Variants in TTLL1 observed in about 807,000 individuals in gnomAD.
The protein encoded by TTLL1 is TTL family tubulin polyglutamylase complex subunit L1.
A neutral mutation model predicts 47.8 loss-of-function variants in TTLL1; 33 were observed. The ratio of observed to expected loss-of-function variants is 0.69; its 90% CI spans 0.52 to 0.92. TTLL1 has a LOEUF of 0.92. Among genes scored for constraint, TTLL1 ranks in the 40% least tolerant of loss-of-function variants. TTLL1 has a pLI of 0.00. For missense variants in TTLL1, 488 were observed against 547.5 expected (o/e 0.89, Z 1.08); for synonymous variants, 225 against 214.1 (o/e 1.05, Z -0.45).
chr22:43,087,694 C>T (rs375985830), intron 1 of TTLL1, among the ~76,000 whole-genome samples: 42 of 147,774 alleles, frequency 2.8e-4, no homozygotes, highest in Middle Eastern at 3.9e-3. Context: ...AAATATCAGC[C>T]GGGCGTGGTG....
At chr22:43,051,525 T>C (rs1293809480) in intron 9 of TTLL1, among the ~76,000 whole-genome samples, 1 of 151,412 alleles carries the variant, frequency 6.6e-6, no homozygotes, top group East Asian at 1.9e-4. Flanking sequence ...TGAGGGAGGA[T>C]GAACTAGCCC....
intron 9 of TTLL1, among the ~76,000 whole-genome samples, chr22:43,050,513 G>GTTTTT (rs71186562): frequency 1.4e-5 from 2 of 143,956 alleles, no homozygotes; most frequent in Non-Finnish European, 1.5e-5. Flanking sequence ...GTTTTTTTTT[G>GTTTTT]TTTTTTTTTT....
Position 43,051,868 on chromosome 22 carries a change from T to C in TTLL1, c.911A>G (p.Lys304Arg). 1.2e-6 allele frequency: 2 copies of C among 1,613,998 alleles called. No homozygotes were observed. The highest frequency in any genetic ancestry group is 1.7e-6 in the Non-Finnish European group (2 of 1,179,990). ...KAVAPVMNND[K>R]HCFECYGYDI... ...GTAGCCATAGCATTCAAAGCAGTGC[T>C]TGTCATTGTTCATCACCGGCTGGAG... Residue 304 changes from lysine to arginine, a missense_variant, in exon 9 of 11, where the codon AAG becomes AGG. Coordinates refer to ENST00000266254, the MANE Select transcript of TTLL1 (RefSeq NM_012263.5).
chr22:43,079,433 C>G (rs531899835), intron 2 of TTLL1, among the ~76,000 whole-genome samples: 1 of 152,264 alleles, frequency 6.6e-6, no homozygotes, highest in South Asian at 2.1e-4. Flanking sequence ...CCCTCACACC[C>G]GCAGACACGG....
chr22:43,071,356 C>T (rs903068239), intron 3 of TTLL1, among the ~76,000 whole-genome samples: 5 of 152,050 alleles, frequency 3.3e-5, no homozygotes, highest in Non-Finnish European at 5.9e-5. Flanking sequence ...AAGAGCTGGC[C>T]GGGCGCAGTG....
chr22:43,064,117 A>C, intron 6 of TTLL1, 73 bp downstream of exon 6: 1 of 1,575,368 alleles, frequency 6.3e-7, no homozygotes, highest in Non-Finnish European at 8.6e-7. Context: ...GAAACCTCAC[A>C]ATGGTGCTAA....
Position 43,039,820 on chromosome 22 carries a change from G to T in TTLL1, c.1228C>A (p.Arg410=), listed in dbSNP as rs202040084. 1.9e-6 allele frequency: 3 copies of T among 1,613,958 alleles called. No homozygotes were observed. Among genetic ancestry groups the T allele is most frequent in the Non-Finnish European group, 2.5e-6 (3 of 1,179,944 alleles). Residue 410 remains arginine, a synonymous_variant, in exon 11 of 11, where the codon CGA becomes AGA. Transcript: ENST00000266254. ...QGQSLGPRAG[R]SRDSGRAVLT... ...ACCGCTCTCCCCGAGTCTCTCGATCGGCCTGCTCTGGGCCCCAGAGACTGA... is the reference window on the plus strand; with the variant it reads ...ACCGCTCTCCCCGAGTCTCTCGATCTGCCTGCTCTGGGCCCCAGAGACTGA...
chr22:43,088,943 C>A (rs923515481), intron 1 of TTLL1, among the ~76,000 whole-genome samples: 1 of 152,124 alleles, frequency 6.6e-6, no homozygotes, highest in African/African-American at 2.4e-5. Flanking sequence ...TTGCGCCCTG[C>A]AAAAGATGCC....
chr22:43,087,654 AT>A (rs1246473994), intron 1 of TTLL1, among the ~76,000 whole-genome samples: 1 of 151,484 alleles, frequency 6.6e-6, no homozygotes, highest in East Asian at 1.9e-4. Context: ...CCTGGCCAAC[AT>A]GGTGAAACCC....
chr22:43,072,468 C>A (rs2146984186), intron 3 of TTLL1, among the ~76,000 whole-genome samples: 1 of 151,198 alleles, frequency 6.6e-6, no homozygotes, highest in African/African-American at 2.4e-5. Flanking sequence ...TCTTTATTTT[C>A]TCTCTTTCTT....
At chr22:43,045,073 G>A (rs1926004897) in intron 10 of TTLL1, among the ~76,000 whole-genome samples, 1 of 152,160 alleles carries the variant, frequency 6.6e-6, no homozygotes, top group African/African-American at 2.4e-5. Context: ...ATGTTGGTCA[G>A]GCTGGTCTTG....
chr22:43,060,543 C>G (rs768438452), intron 7 of TTLL1, among the ~76,000 whole-genome samples: 1 of 152,246 alleles, frequency 6.6e-6, no homozygotes, highest in Non-Finnish European at 1.5e-5. Flanking sequence ...TCATCACTCT[C>G]TAACAACCTT....
At position 43,044,790 on chromosome 22, in the gene TTLL1, C is replaced by T. The variant is rs931703789; in HGVS notation, c.1142+1620G>A. On this transcript the variant is annotated intron_variant, in intron 10 of 10. Coordinates refer to ENST00000266254, the MANE Select transcript of TTLL1 (RefSeq NM_012263.5). ...TGAGGCCAATGTTTTACAAGGATTACGTTATACACCCTTTTCTGCAGTGAG... is the reference window on the plus strand; with the variant it reads ...TGAGGCCAATGTTTTACAAGGATTATGTTATACACCCTTTTCTGCAGTGAG... 3.9e-5 allele frequency among the ~76,000 whole-genome samples: 6 copies of T among 152,128 alleles called. No homozygotes were observed. The East Asian group carries it at 7.7e-4, about 20-fold the overall frequency.
intron 2 of TTLL1, among the ~76,000 whole-genome samples, chr22:43,078,643 A>G (rs370461876): frequency 2.0e-5 from 3 of 152,082 alleles, no homozygotes; most frequent in African/African-American, 7.3e-5. Flanking sequence ...CCCTCTGTGA[A>G]CCTGGCCTTT....
At chr22:43,040,221 A>T in intron 10 of TTLL1, 1 of 240,578 alleles carries the variant, frequency 4.2e-6, no homozygotes, top group South Asian at 5.4e-5. Context: ...TATGGCAATG[A>T]CTCCAAAGGC....
rs1928004683 is a variant in TTLL1 at position 43,069,900 on chromosome 22, C to A, written c.114-56G>T. 52 of 1,596,980 alleles carry A rather than the reference C, an allele frequency of 3.3e-5. No individual in the cohort carries two copies. In the South Asian group the frequency reaches 5.6e-4, roughly 17 times the overall value. On this transcript the variant is annotated intron_variant, in intron 3 of 10. Coordinates refer to ENST00000266254, the MANE Select transcript of TTLL1 (RefSeq NM_012263.5). ...CAGTGATGTCTGTGTGGCAGAAGTC[C>A]TTTGTTCCCGTCCCCGCAAACACCC...
chr22:43,066,122 G>A (rs1195069042), intron 5 of TTLL1, among the ~76,000 whole-genome samples: 3 of 148,088 alleles, frequency 2.0e-5, no homozygotes, highest in Non-Finnish European at 4.4e-5. Context: ...TCGCACCACT[G>A]CAGTCCAGCC....
Position 43,072,969 on chromosome 22 carries a change from T to C in TTLL1, c.113+2505A>G, listed in dbSNP as rs116602011. On this transcript the variant is annotated intron_variant, in intron 3 of 10. Transcript: ENST00000266254. ...GGGTATTTTTCTGTTTGCAGTTGTATGAACTTATAAATTCAAATACATATG... is the reference window on the plus strand; with the variant it reads ...GGGTATTTTTCTGTTTGCAGTTGTACGAACTTATAAATTCAAATACATATG... Among the ~76,000 whole-genome samples the C allele has an allele frequency of 3.2e-3, 493 of 152,360 alleles. 6 individuals carry two copies. Among genetic ancestry groups the C allele is most frequent in the African/African-American group, 0.011 (475 of 41,594 alleles).
At chr22:43,069,526 A>G (rs982110398) in intron 4 of TTLL1, 110 bp downstream of exon 4, 3 of 1,544,580 alleles carry the variant, frequency 1.9e-6, no homozygotes, top group Non-Finnish European at 2.6e-6. Flanking sequence ...CACAACTCGC[A>G]TGGACATGCT....
Sources: gnomAD v4.1 joint callset for allele counts (sites outside exome capture counted in the v4.1 genomes callset) on GRCh38, gnomAD v4.1.1 for gene constraint, MANE v1.5 for transcripts, NCBI Gene and HGNC (gene_info 2026-07-23, HGNC 2026-07-21) for gene names.